The following NTRK3 variants were observed in gnomAD, a reference collection of about 807,000 sequenced individuals.
NTRK3 encodes neurotrophic receptor tyrosine kinase 3, also known as NT-3 growth factor receptor.
A neutral mutation model predicts 91.7 loss-of-function variants in NTRK3; 24 were observed. The observed-to-expected ratio is 0.26, with a 90% CI of 0.19 to 0.37. NTRK3 has a LOEUF of 0.37. Ranked by LOEUF, NTRK3 falls within the 10% of genes least tolerant of loss-of-function variation. The pLI, the probability that NTRK3 is intolerant of heterozygous loss-of-function variation, is 1.00. For missense variants in NTRK3, 880 were observed against 1,068.9 expected (o/e 0.82, Z 2.46); for synonymous variants, 483 against 404.0 (o/e 1.20, Z -2.34).
At chr15:88,227,763 C>A (rs144524870) in intron 3 of NTRK3, among the ~76,000 whole-genome samples, 2 of 152,090 alleles carry the variant, frequency 1.3e-5, no homozygotes, top group Admixed American at 6.5e-5. Context: ...CCTCCCTCCC[C>A]CTTTACCCAC....
At chr15:88,020,780 C>T (rs150840753) in intron 14 of NTRK3, among the ~76,000 whole-genome samples, 1,565 of 152,260 alleles carry the variant, frequency 0.01, 7 homozygotes, top group Non-Finnish European at 0.016. Context: ...TCTCATGTCA[C>T]TTTTGTTTCT....
intron 13 of NTRK3, among the ~76,000 whole-genome samples, chr15:88,061,290 C>T (rs538362052): frequency 1.3e-4 from 20 of 152,294 alleles, no homozygotes; most frequent in African/African-American, 2.2e-4. Flanking sequence ...GAAAAGAGTA[C>T]GGTCAAGTTT....
At chr15:88,027,880 G>A (rs898933751) in intron 14 of NTRK3, among the ~76,000 whole-genome samples, 1 of 152,202 alleles carries the variant, frequency 6.6e-6, no homozygotes, top group Admixed American at 6.5e-5. Flanking sequence ...TTGGCTCAAA[G>A]TCATTCAAGA....
chr15:88,136,442 T>G (rs2041886373), intron 8 of NTRK3, 25 bp downstream of exon 8: 1 of 1,613,962 alleles, frequency 6.2e-7, no homozygotes, highest in Non-Finnish European at 8.5e-7. Context: ...AGCCTCCTGA[T>G]GGGGCTGAAG....
intron 7 of NTRK3, among the ~76,000 whole-genome samples, chr15:88,137,118 C>A (rs544393147): frequency 6.6e-6 from 1 of 152,322 alleles, no homozygotes; most frequent in African/African-American, 2.4e-5. Context: ...GTTTGGTTGA[C>A]AGGTAACTCA....
At chr15:88,140,104 C>T (rs1281331558) in intron 6 of NTRK3, among the ~76,000 whole-genome samples, 1 of 152,136 alleles carries the variant, frequency 6.6e-6, no homozygotes, top group African/African-American at 2.4e-5. Context: ...TTTACTGCCA[C>T]ATCAGGAAAT....
chr15:87,859,792 C>T, exon 19 of NTRK3: 1 of 176,618 alleles, frequency 5.7e-6, no homozygotes, highest in Admixed American at 6.3e-5. Flanking sequence ...CCTACATAAA[C>T]TATGTCAGGA....
chr15:87,880,275 T>G (rs2141466035), exon 18 of NTRK3: 1 of 1,613,950 alleles, frequency 6.2e-7, no homozygotes, highest in Admixed American at 1.7e-5. Context: ...TTTACCTCCG[T>G]GTTTGAGAGT....
Position 87,987,397 on chromosome 15 carries a change from T to G in NTRK3, c.1585+45460A>C, listed in dbSNP as rs2074905450. ...CCCTAATTACTACTGAGGTTGTACA[T>G]CATCTCAATAAGGGTTTCCCCAATT... On this transcript the variant is annotated intron_variant, in intron 14 of 18. Transcript: ENST00000394480. Among the ~76,000 whole-genome samples, 3 of 152,182 alleles carry G rather than the reference T, an allele frequency of 2.0e-5. No individual in the cohort carries two copies. The South Asian group carries it at 6.2e-4, about 32-fold the overall frequency.
At chr15:88,118,241 C>T (rs928466378) in intron 13 of NTRK3, among the ~76,000 whole-genome samples, 2 of 152,188 alleles carry the variant, frequency 1.3e-5, no homozygotes, top group Admixed American at 1.3e-4. Flanking sequence ...GCTGCATAAA[C>T]GCGGGTCTTG....
rs1368234909 is a variant in NTRK3 at position 88,098,464 on chromosome 15, G to A, written c.1396+27807C>T. ...CACTCGTGGAGCTTCAGCAAGCCTC[G>A]CGCATGAGACATTAAGGCGCTTGGA... On this transcript the variant is annotated intron_variant, in intron 13 of 18. Coordinates refer to ENST00000394480, the Ensembl canonical transcript of NTRK3. 7 of 202,010 alleles carry A rather than the reference G, an allele frequency of 3.5e-5. No homozygotes were observed. In the South Asian group the frequency reaches 7.6e-4, roughly 22 times the overall value. The allele number at this position is 202,010 out of a possible 1,614,324, so 12.5% of individuals were successfully genotyped here. A position where few individuals can be genotyped will look rare whatever the true frequency, so the allele number is the denominator to read the frequency against.
chr15:88,134,986 G>T, intron 10 of NTRK3, 115 bp downstream of exon 10: 1 of 1,243,892 alleles, frequency 8.0e-7, no homozygotes, highest in Non-Finnish European at 1.2e-6. Context: ...GTGTTTTGTT[G>T]CCCATGATAA....
chr15:88,222,762 C>T (rs1598036992), intron 3 of NTRK3, among the ~76,000 whole-genome samples: 1 of 152,200 alleles, frequency 6.6e-6, no homozygotes, highest in Admixed American at 6.5e-5. Flanking sequence ...GTGCCCACTT[C>T]TGAAGTGTGG....
At chr15:87,900,562 T>G (rs1365785047) in intron 17 of NTRK3, among the ~76,000 whole-genome samples, 4 of 152,314 alleles carry the variant, frequency 2.6e-5, no homozygotes, top group African/African-American at 9.6e-5. Flanking sequence ...TTGCTAAGAT[T>G]CCTCTCTGCT....
intron 13 of NTRK3, among the ~76,000 whole-genome samples, chr15:88,062,116 C>A (rs547744196): frequency 1.3e-5 from 2 of 152,050 alleles, no homozygotes; most frequent in Non-Finnish European, 2.9e-5. Context: ...TTAAAGTCTC[C>A]GGGAGGATGT....
intron 14 of NTRK3, among the ~76,000 whole-genome samples, chr15:87,999,595 T>C (rs1173020336): frequency 6.6e-6 from 1 of 152,198 alleles, no homozygotes; most frequent in Non-Finnish European, 1.5e-5. Context: ...CATGTAGATA[T>C]TTCCCTGGGA....
Position 88,070,263 on chromosome 15 carries a change from T to C in NTRK3, c.1397-37218A>G, listed in dbSNP as rs543486693. 1.8e-4 allele frequency among the ~76,000 whole-genome samples: 27 copies of C among 152,240 alleles called. No homozygotes were observed. In the South Asian group the frequency reaches 5.6e-3, roughly 32 times the overall value. On this transcript the variant is annotated intron_variant, in intron 13 of 18. Coordinates refer to ENST00000394480, the Ensembl canonical transcript of NTRK3. ...TGAGATCTAGCAGCCTTGGGCAGTT[T>C]CCTTAGAGTTACCTCTGCCAGGTCT...
At position 88,192,931 on chromosome 15, in the gene NTRK3, T is replaced by C. The variant is rs535228858; in HGVS notation, c.249-8632A>G. 3.3e-4 allele frequency among the ~76,000 whole-genome samples: 51 copies of C among 152,332 alleles called. No individual in the cohort carries two copies. In the South Asian group the frequency reaches 0.01, roughly 30 times the overall value. The stretch of plus-strand genomic sequence containing the variant: ...GCCTGTTTATGTCCTTCACAGCCCT[T>C]AATAACCATCTGTAATTGTCTTATT... On this transcript the variant is annotated intron_variant, in intron 3 of 18. Coordinates refer to ENST00000394480, the Ensembl canonical transcript of NTRK3.
chr15:88,167,601 A>G (rs2045100619), intron 5 of NTRK3, among the ~76,000 whole-genome samples: 1 of 152,224 alleles, frequency 6.6e-6, no homozygotes. Context: ...AAAGCACTAT[A>G]GCCACAATGG....
Sources: allele counts gnomAD v4.1 joint callset (sites outside exome capture counted in the v4.1 genomes callset), GRCh38; gene constraint gnomAD v4.1.1; transcripts MANE v1.5; gene names NCBI Gene and HGNC (gene_info 2026-07-23, HGNC 2026-07-21).